CSMD2: variants seen among roughly 807,000 people sequenced by gnomAD.
The protein encoded by CSMD2 is CUB and Sushi multiple domains 2.
A neutral mutation model predicts 398.5 loss-of-function variants in CSMD2; 130 were observed. The ratio of observed to expected loss-of-function variants is 0.33; its 90% CI spans 0.28 to 0.38. The LOEUF (loss-of-function observed/expected upper bound fraction) is 0.38. Ranked by LOEUF, CSMD2 falls within the 10% of genes least tolerant of loss-of-function variation. CSMD2 has a pLI of 1.00. For missense variants in CSMD2, 3,829 were observed against 4,764.9 expected, an observed-to-expected ratio of 0.80 and a Z score of 5.78; for synonymous variants, 1,828 against 1,908.5, an observed-to-expected ratio of 0.96 and a Z score of 1.10.
intron 1 of CSMD2, among the ~76,000 whole-genome samples, chr1:34,113,307 C>T (rs1014069707): frequency 2.6e-5 from 4 of 152,212 alleles, no homozygotes; most frequent in Non-Finnish European, 5.9e-5. Flanking sequence ...AGGTGTCACA[C>T]ATGGGTGGCA....
chr1:33,644,892 G>A (rs1032767137), intron 29 of CSMD2, among the ~76,000 whole-genome samples: 3 of 152,150 alleles, frequency 2.0e-5, no homozygotes, highest in Non-Finnish European at 2.9e-5. Context: ...AATATCCATT[G>A]CCTAGGCCAG....
At chr1:34,102,281 C>T (rs541154805) in intron 1 of CSMD2, among the ~76,000 whole-genome samples, 5 of 152,320 alleles carry the variant, frequency 3.3e-5, no homozygotes, top group South Asian at 2.1e-4. Flanking sequence ...CCACCCGCCT[C>T]GGCCTCCCAA....
rs564139714 is a variant in CSMD2, at chr1:33,555,647, A to G, written c.8743+2087T>C. Among the ~76,000 whole-genome samples the G allele has an allele frequency of 9.2e-5, 14 of 152,322 alleles. 1 individual carries two copies. In the South Asian group the frequency reaches 2.9e-3, roughly 32 times the overall value. ...CACACCAGCCTTCACCACCCCGATC[A>G]GTTTGCAGTCATCAACATTGAGGCA... On this transcript the variant is annotated intron_variant, in intron 55 of 70. Transcript: ENST00000373381.
At chr1:33,806,907 G>A (rs1400373294) in intron 10 of CSMD2, among the ~76,000 whole-genome samples, 3 of 152,146 alleles carry the variant, frequency 2.0e-5, no homozygotes, top group Non-Finnish European at 4.4e-5. Context: ...AACATATCTT[G>A]TCAGTCTTCT....
intron 3 of CSMD2, among the ~76,000 whole-genome samples, chr1:33,977,091 G>A (rs1374586611): frequency 6.6e-6 from 1 of 151,992 alleles, no homozygotes; most frequent in Non-Finnish European, 1.5e-5. Flanking sequence ...GGGGTAGGAA[G>A]TTAGCAAGAA....
intron 2 of CSMD2, among the ~76,000 whole-genome samples, chr1:34,085,183 C>G (rs1004783904): frequency 6.6e-6 from 1 of 151,630 alleles, no homozygotes; most frequent in East Asian, 2.0e-4. Flanking sequence ...TGAACAATGA[C>G]AACACTTGGA....
intron 24 of CSMD2, among the ~76,000 whole-genome samples, chr1:33,698,433 T>A (rs567078339): frequency 1.8e-4 from 27 of 152,228 alleles, no homozygotes; most frequent in African/African-American, 6.3e-4. Flanking sequence ...TCTCTCCCTT[T>A]CTAATGGACT....
intron 13 of CSMD2, among the ~76,000 whole-genome samples, chr1:33,744,472 C>T (rs1647200800): frequency 6.6e-6 from 1 of 152,098 alleles, no homozygotes; most frequent in Admixed American, 6.6e-5. Context: ...TCTCTCTCCC[C>T]TATTTCACCC....
intron 10 of CSMD2, among the ~76,000 whole-genome samples, chr1:33,807,990 C>CT (rs994316188): frequency 2.6e-5 from 4 of 152,044 alleles, no homozygotes; most frequent in Non-Finnish European, 5.9e-5. Flanking sequence ...GGGAAAAAGC[C>CT]TTTAAGGTTA....
At chr1:33,698,271 T>C (rs1029689818) in intron 24 of CSMD2, among the ~76,000 whole-genome samples, 1 of 152,190 alleles carries the variant, frequency 6.6e-6, no homozygotes, top group African/African-American at 2.4e-5. Context: ...GAGCAATGGG[T>C]GTTCTTTATC....
At chr1:33,996,541 A>G (rs1177758047) in intron 3 of CSMD2, among the ~76,000 whole-genome samples, 1 of 152,214 alleles carries the variant, frequency 6.6e-6, no homozygotes, top group African/African-American at 2.4e-5. Flanking sequence ...GCCCTGAGGA[A>G]GGAGACCCAG....
At chr1:34,037,041 AC>A (rs1651217134) in intron 2 of CSMD2, among the ~76,000 whole-genome samples, 1 of 152,126 alleles carries the variant, frequency 6.6e-6, no homozygotes, top group South Asian at 2.1e-4. Flanking sequence ...GCAGAGATCT[AC>A]CTGCCTTGTG....
intron 3 of CSMD2, among the ~76,000 whole-genome samples, chr1:33,979,176 C>T (rs887688162): frequency 6.6e-6 from 1 of 152,150 alleles, no homozygotes; most frequent in African/African-American, 2.4e-5. Context: ...TCTCCTTGCC[C>T]ACCCCATGCC....
chr1:33,899,138 C>T (rs1404165631), intron 5 of CSMD2, among the ~76,000 whole-genome samples: 1 of 152,208 alleles, frequency 6.6e-6, no homozygotes, highest in Non-Finnish European at 1.5e-5. Context: ...ATTGACAGGG[C>T]TCTCTTGAAA....
In CSMD2 at chr1:34,148,330, C is replaced by G. The variant is rs76048515; in HGVS notation, c.187+16581G>C. ...CTATCTCATTGCTCCGCATCAAAAA[C>G]CTCCACCGGCCCCTTGCCCAGTCTC... On this transcript the variant is annotated intron_variant, in intron 1 of 70. Coordinates refer to ENST00000373381, the MANE Select transcript of CSMD2 (RefSeq NM_001281956.2). 3.4e-3 allele frequency among the ~76,000 whole-genome samples: 513 copies of G among 152,274 alleles called. 1 individual carries two copies. The highest frequency in any genetic ancestry group is 0.024 in the East Asian group (127 of 5,188).
chr1:33,615,613 T>C (rs1641333137), intron 39 of CSMD2, among the ~76,000 whole-genome samples: 1 of 152,226 alleles, frequency 6.6e-6, no homozygotes. Context: ...AATGGGGTTG[T>C]TGTGAGGTCA....
intron 43 of CSMD2, 71 bp downstream of exon 43, chr1:33,602,297 TG>T: frequency 6.6e-7 from 1 of 1,515,706 alleles, no homozygotes; most frequent in East Asian, 2.3e-5. Context: ...AATAGGTAAC[TG>T]ACTGGTAACC....
chr1:33,599,511 A>G (rs981849045), intron 44 of CSMD2: 2 of 152,226 alleles, frequency 1.3e-5, no homozygotes, highest in Non-Finnish European at 2.9e-5. Context: ...TTTTGTGCAT[A>G]ATAACATTGA....
intron 3 of CSMD2, among the ~76,000 whole-genome samples, chr1:33,989,875 C>T (rs1231377183): frequency 6.6e-6 from 1 of 152,100 alleles, no homozygotes. Flanking sequence ...CACAAAGAAA[C>T]TTTTGGGGGC....
Sources: gnomAD v4.1 joint callset for allele counts (sites outside exome capture counted in the v4.1 genomes callset) on GRCh38, gnomAD v4.1.1 for gene constraint, MANE v1.5 for transcripts, NCBI Gene and HGNC (gene_info 2026-07-23, HGNC 2026-07-21) for gene names.